Variants in ECE1 observed in about 807,000 individuals in gnomAD.
ECE1 encodes the protein endothelin-converting enzyme 1.
In ECE1, 35 loss-of-function variants were observed where a neutral mutation model predicts 98.6. That is an observed-to-expected ratio of 0.35 (90% CI 0.27 to 0.47). The LOEUF (loss-of-function observed/expected upper bound fraction) is 0.47, where lower values mean the gene tolerates loss of function less well. ECE1 is among the 20% of genes least tolerant of loss of function. The pLI is 1.00. For missense variants in ECE1, 814 were observed against 1,025.3 expected (o/e 0.79, Z 2.81); for synonymous variants, 394 against 407.1 (o/e 0.97, Z 0.39).
At chr1:21,325,661 C>T (rs933587420) in intron 1 of ECE1, among the ~76,000 whole-genome samples, 1 of 152,256 alleles carries the variant, frequency 6.6e-6, no homozygotes, top group Non-Finnish European at 1.5e-5. Flanking sequence ...AATGGGGACA[C>T]AATAGGACCC....
At chr1:21,226,185 G>A (rs1225064777) in intron 16 of ECE1, among the ~76,000 whole-genome samples, 2 of 152,168 alleles carry the variant, frequency 1.3e-5, no homozygotes. Flanking sequence ...GGAGAGGAGG[G>A]ACTGATTCAA....
In ECE1 at chr1:21,225,127, G is replaced by C. The variant is rs763147836; in HGVS notation, c.2040+123C>G. 1 of 1,325,842 alleles carries C rather than the reference G, an allele frequency of 7.5e-7. No homozygotes were observed. Among genetic ancestry groups the C allele is most frequent in the Non-Finnish European group, 1.0e-6 (1 of 960,918 alleles). The allele number at this position is 1,325,842 out of a possible 1,614,324, so 82.1% of individuals were successfully genotyped here. A position where few individuals can be genotyped will look rare whatever the true frequency, so the allele number is the denominator to read the frequency against. On this transcript the variant is annotated intron_variant, in intron 17 of 18. Coordinates refer to ENST00000374893, the MANE Select transcript of ECE1 (RefSeq NM_001397.3). The surrounding 1 kb of genome is among the most constrained non-coding windows in gnomAD (Gnocchi z 5.3). Reference sequence around the variant, plus strand: ...CCTCGCCACCCCCAATTTCGCAGAAGAGGAAACGGAAGCTCGCACGGCTGC... The same window carrying C: ...CCTCGCCACCCCCAATTTCGCAGAACAGGAAACGGAAGCTCGCACGGCTGC...
rs530037987 is a variant in ECE1, at chr1:21,302,675, G to A, written c.4-12519C>T. On this transcript the variant is annotated intron_variant, in intron 1 of 18. Coordinates refer to the ECE1 transcript ENST00000415912. ...AGGAATGCACAGAACGCCAGAGTGG[G>A]AGCCAGAAGTCCTGGCATGAGTTCA... Among the ~76,000 whole-genome samples the A allele has an allele frequency of 2.0e-5, 3 of 152,284 alleles. No individual in the cohort carries two copies. The South Asian group carries it at 6.2e-4, about 32-fold the overall frequency.
intron 1 of ECE1, among the ~76,000 whole-genome samples, chr1:21,330,688 T>G (rs1320154411): frequency 3.0e-4 from 45 of 152,328 alleles, no homozygotes; most frequent in Non-Finnish European, 4.4e-5. Flanking sequence ...TTCAGCCTTC[T>G]GAGTTTCCTT....
chr1:21,336,223 AT>A (rs1454901750), intron 1 of ECE1, among the ~76,000 whole-genome samples: 9 of 152,162 alleles, frequency 5.9e-5, no homozygotes, highest in Non-Finnish European at 1.0e-4. Context: ...CTACAAAAAA[AT>A]ATCAGAAAAT....
At chr1:21,301,827 GAAAA>G (rs34861827) in intron 1 of ECE1, among the ~76,000 whole-genome samples, 193 of 33,902 alleles carry the variant, frequency 5.7e-3, no homozygotes, top group Non-Finnish European at 7.8e-3. Context: ...CCCTGTCTCA[GAAAA>G]AAAAAAAAAA....
At chr1:21,302,555 G>C (rs1414485258) in intron 1 of ECE1, among the ~76,000 whole-genome samples, 5 of 152,222 alleles carry the variant, frequency 3.3e-5, no homozygotes, top group Non-Finnish European at 7.3e-5. Context: ...ATAAGGGCCA[G>C]AGAGGATCTG....
At chr1:21,253,474 A>G (rs2098215373) in intron 8 of ECE1, among the ~76,000 whole-genome samples, 1 of 152,078 alleles carries the variant, frequency 6.6e-6, no homozygotes, top group African/African-American at 2.4e-5. Flanking sequence ...TAAAGTTAAG[A>G]ACCACAGGCC....
chr1:21,225,466 T>A lies in ECE1; in HGVS notation c.1850-26A>T, dbSNP rs758211764. 1.2e-6 allele frequency: 2 copies of A among 1,612,122 alleles called. No individual in the cohort carries two copies. Among genetic ancestry groups the A allele is most frequent in the Admixed American group, 3.3e-5 (2 of 59,830 alleles). On this transcript the variant is annotated intron_variant, in intron 16 of 18. Coordinates refer to ENST00000374893, the MANE Select transcript of ECE1 (RefSeq NM_001397.3). The surrounding 1 kb of genome is among the most constrained non-coding windows in gnomAD (Gnocchi z 5.3). ...CTGTGGGTCAGAGGGAGGCGTCATG[T>A]CAAGGGAGGGAGGGGCACAGCAGGG... is the stretch of plus-strand genomic sequence containing the variant.
rs539891768 is a variant in ECE1 at position 21,289,888 on chromosome 1, C to G, written c.138+182G>C. ...CAGGTGAGGGGAGACTGGTGGGCTCCGGAAGGCTTCTCAGCGCGGAGCTCC... is the reference window on the plus strand; with the variant it reads ...CAGGTGAGGGGAGACTGGTGGGCTCGGGAAGGCTTCTCAGCGCGGAGCTCC... On this transcript the variant is annotated intron_variant, in intron 2 of 18. Transcript: ENST00000374893. Among the ~76,000 whole-genome samples, 522 of 147,648 alleles carry G rather than the reference C, an allele frequency of 3.5e-3. 3 individuals carry two copies. Among genetic ancestry groups the G allele is most frequent in the Admixed American group, 7.9e-3 (116 of 14,664 alleles).
In ECE1 at chr1:21,217,749, C is replaced by T. The variant is rs2103190430; in HGVS notation, c.*2206G>A. 6.6e-6 allele frequency: 1 copy of T among 152,590 alleles called. No individual in the cohort carries two copies. The highest frequency in any genetic ancestry group is 2.1e-4 in the South Asian group (1 of 4,836). The allele number at this position is 152,590 out of a possible 1,614,324, so 9.5% of individuals were successfully genotyped here. A position where few individuals can be genotyped will look rare whatever the true frequency, so the allele number is the denominator to read the frequency against. ...GGACTGCGGCTGGCTTCTGCTTCAGCTACTTCTCGGGTTCCTGTCTCCTCT... is the reference window on the plus strand; with the variant it reads ...GGACTGCGGCTGGCTTCTGCTTCAGTTACTTCTCGGGTTCCTGTCTCCTCT... On this transcript the variant is annotated 3_prime_UTR_variant, in exon 19 of 19. Transcript: ENST00000374893.
chr1:21,283,909 G>A (rs1569648655), intron 2 of ECE1, among the ~76,000 whole-genome samples: 2 of 152,198 alleles, frequency 1.3e-5, no homozygotes, highest in Non-Finnish European at 1.5e-5. Flanking sequence ...TATCGGCTAC[G>A]GGCCTCATGG....
At position 21,225,474 on chromosome 1, in the gene ECE1, G is replaced by C. The variant is rs1320521417; in HGVS notation, c.1850-34C>G. 6.2e-7 allele frequency: 1 copy of C among 1,609,834 alleles called. No individual in the cohort carries two copies. Among genetic ancestry groups the C allele is most frequent in the Non-Finnish European group, 8.5e-7 (1 of 1,178,256 alleles). On this transcript the variant is annotated intron_variant, in intron 16 of 18. Coordinates refer to ENST00000374893, the MANE Select transcript of ECE1 (RefSeq NM_001397.3). This position sits in a 1 kb window ranked among gnomAD's most constrained non-coding sequence, Gnocchi z 5.3. ...CAGAGGGAGGCGTCATGTCAAGGGA[G>C]GGAGGGGCACAGCAGGGACCTGCTG...
In ECE1 at chr1:21,272,709, C is replaced by T. The variant is rs1312902650; in HGVS notation, c.483G>A (p.Lys161=). ...ATGCTGGATGCTTACCGAGGAGGTG[C>T]TTGATGATTGCTTGGTTGTGTTCCC... The part of the protein sequence containing the change: ...NLWEHNQAII[K]HLLENSTASV... Residue 161 remains lysine (K), a synonymous_variant, in exon 4 of 19, where the codon AAG becomes AAA. Transcript: ENST00000374893. 1 of 1,614,234 alleles carries T rather than the reference C, an allele frequency of 6.2e-7. No homozygotes were observed. Among genetic ancestry groups the T allele is most frequent in the African/African-American group, 1.3e-5 (1 of 75,056 alleles).
chr1:21,320,649 G>A (rs1638943853), intron 1 of ECE1, among the ~76,000 whole-genome samples: 1 of 152,206 alleles, frequency 6.6e-6, no homozygotes, highest in African/African-American at 2.4e-5. Context: ...ACTCACAGGG[G>A]GTCACACAGC....
At chr1:21,315,862 A>ACTCC (rs1228761527) in intron 1 of ECE1, among the ~76,000 whole-genome samples, 2 of 149,778 alleles carry the variant, frequency 1.3e-5, no homozygotes, top group Admixed American at 1.3e-4. Flanking sequence ...CTATGAATCC[A>ACTCC]CTCCCTCTGT....
intron 1 of ECE1, among the ~76,000 whole-genome samples, chr1:21,311,908 G>A (rs192813921): frequency 1.3e-5 from 2 of 152,230 alleles, no homozygotes; most frequent in East Asian, 3.9e-4. Flanking sequence ...CAGATCACTT[G>A]AGGTCAGGAG....
At chr1:21,277,987 C>T (rs897548769) in intron 3 of ECE1, among the ~76,000 whole-genome samples, 51 of 152,272 alleles carry the variant, frequency 3.3e-4, no homozygotes, top group South Asian at 1.2e-3. Context: ...CCCAGCGCAG[C>T]GTGGCCACCC....
intron 1 of ECE1, among the ~76,000 whole-genome samples, chr1:21,323,605 C>T (rs994811917): frequency 5.3e-5 from 8 of 151,326 alleles, no homozygotes; most frequent in African/African-American, 9.8e-5. Context: ...GCTTGGGTAA[C>T]GGAGTGGCAC....
Sources: gnomAD v4.1 joint callset for allele counts (sites outside exome capture counted in the v4.1 genomes callset) on GRCh38, gnomAD v4.1.1 for gene constraint, Gnocchi (gnomAD v3.1) non-coding constraint, MANE v1.5 for transcripts, NCBI Gene and HGNC (gene_info 2026-07-23, HGNC 2026-07-21) for gene names.